PPP1R9A: variants seen among roughly 807,000 people sequenced by gnomAD.
PPP1R9A encodes the protein neurabin-1.
PPP1R9A carries 59 observed loss-of-function variants against 141.9 expected under a neutral mutation model. The observed-to-expected ratio is 0.42, with a 90% CI of 0.34 to 0.52. PPP1R9A has a LOEUF of 0.52. PPP1R9A is among the 20% of genes least tolerant of loss of function. The pLI is 0.10. For synonymous variants in PPP1R9A, 500 were observed against 569.7 expected (o/e 0.88, Z 1.74); for missense variants, 1,444 against 1,611.9 (o/e 0.90, Z 1.78).
chr7:95,038,364 G>A (rs888596702), intron 2 of PPP1R9A, among the ~76,000 whole-genome samples: 2 of 152,106 alleles, frequency 1.3e-5, no homozygotes, highest in Admixed American at 1.3e-4. Context: ...TGAAGACTAA[G>A]TATTCAGCAG....
In PPP1R9A at chr7:95,036,038, G is replaced by A. The variant is rs183089098; in HGVS notation, c.1396-75221G>A. 1.9e-3 allele frequency: 296 copies of A among 152,176 alleles called. 2 individuals are homozygous for A. The highest frequency in any genetic ancestry group is 6.6e-3 in the African/African-American group (274 of 41,522). 9.4% of individuals were successfully genotyped at this position (152,176 alleles called of 1,614,324 possible). A position where few individuals can be genotyped will look rare whatever the true frequency, so the allele number is the denominator to read the frequency against. On this transcript the variant is annotated intron_variant, in intron 2 of 19. Coordinates refer to ENST00000433360, the MANE Select transcript of PPP1R9A (RefSeq NM_001166160.2). ...GTTGTGATATTCTGCAGTATACTTC[G>A]GCTCTCTTAATAAGATCATGCTGTA...
At position 95,120,726 on chromosome 7, in the gene PPP1R9A, G is replaced by C; in HGVS notation, c.1543G>C (p.Gly515Arg). Residue 515 changes from glycine (G) to arginine (R), a missense_variant, in exon 4 of 20, where the codon GGT (glycine) becomes CGT (arginine). Physicochemically the swap from Gly to Arg is moderately radical, Grantham distance 125 (BLOSUM62 -2). This residue lies in a region of PPP1R9A where 488 missense variants were observed against 542.0 expected (regional missense o/e 0.90). Coordinates refer to ENST00000433360, the MANE Select transcript of PPP1R9A (RefSeq NM_001166160.2). The stretch of plus-strand genomic sequence containing the variant: ...CTTTTTAATAGATGAGGATGGTCTT[G>C]GTATAAGTATTATTGGAATGGGTGT... ...VELEKDEDGL[G>R]ISIIGMGVGA... The C allele has an allele frequency of 6.2e-7, 1 of 1,613,286 alleles. No homozygotes were observed. The highest frequency in any genetic ancestry group is 8.5e-7 in the Non-Finnish European group (1 of 1,179,590).
intron 2 of PPP1R9A, among the ~76,000 whole-genome samples, chr7:95,009,325 ACT>A (rs1804082845): frequency 6.6e-6 from 1 of 152,062 alleles, no homozygotes; most frequent in Admixed American, 6.6e-5. Flanking sequence ...TTAAAAAAAG[ACT>A]CTTGCTTTAA....
intron 7 of PPP1R9A, among the ~76,000 whole-genome samples, chr7:95,208,213 G>GT (rs1791248673): frequency 6.6e-6 from 1 of 152,114 alleles, no homozygotes; most frequent in African/African-American, 2.4e-5. Flanking sequence ...AAACAGCACT[G>GT]TAGATATACA....
At chr7:95,046,276 T>TCA (rs1299596783) in intron 2 of PPP1R9A, among the ~76,000 whole-genome samples, 1 of 152,114 alleles carries the variant, frequency 6.6e-6, no homozygotes, top group Non-Finnish European at 1.5e-5. Flanking sequence ...AGATGGGGTT[T>TCA]CACCATGTTG....
At chr7:95,218,306 A>G (rs1793820017) in intron 7 of PPP1R9A, among the ~76,000 whole-genome samples, 2 of 152,088 alleles carry the variant, frequency 1.3e-5, no homozygotes, top group South Asian at 4.1e-4. Context: ...CCTGAGTGCT[A>G]GTTTGATTGC....
At chr7:95,263,241 C>G (rs1377286380) in intron 12 of PPP1R9A, among the ~76,000 whole-genome samples, 1 of 152,142 alleles carries the variant, frequency 6.6e-6, no homozygotes, top group African/African-American at 2.4e-5. Context: ...TATTTTTATT[C>G]ATTTTAACTA....
At chr7:95,033,160 A>G (rs1303649077) in intron 2 of PPP1R9A, among the ~76,000 whole-genome samples, 1 of 133,898 alleles carries the variant, frequency 7.5e-6, no homozygotes, top group Non-Finnish European at 1.6e-5. Context: ...ACCCGCCACC[A>G]TGCCTGGCTA....
chr7:95,225,175 C>T (rs1465921060), intron 7 of PPP1R9A, among the ~76,000 whole-genome samples: 1 of 152,006 alleles, frequency 6.6e-6, no homozygotes, highest in African/African-American at 2.4e-5. Context: ...AACTATATGA[C>T]ATTAGAAAAA....
At chr7:94,999,583 G>A (rs867204913) in intron 2 of PPP1R9A, among the ~76,000 whole-genome samples, 1 of 152,058 alleles carries the variant, frequency 6.6e-6, no homozygotes. Context: ...TCTTAGAAAG[G>A]TTTCCTTTGA....
chr7:95,284,543 T>A (rs1804920252), intron 17 of PPP1R9A, among the ~76,000 whole-genome samples: 1 of 152,222 alleles, frequency 6.6e-6, no homozygotes, highest in Non-Finnish European at 1.5e-5. Context: ...ATGATAGATC[T>A]GTTTACCCAG....
chr7:94,959,004 A>G (rs1303226142), intron 2 of PPP1R9A, among the ~76,000 whole-genome samples: 12 of 151,990 alleles, frequency 7.9e-5, no homozygotes, highest in Admixed American at 7.9e-4. Flanking sequence ...TGTAGGAATA[A>G]AATTTTCATT....
intron 3 of PPP1R9A, among the ~76,000 whole-genome samples, chr7:95,113,653 G>T (rs1820971522): frequency 1.3e-5 from 2 of 152,180 alleles, no homozygotes; most frequent in African/African-American, 2.4e-5. Context: ...GGGTAAAAAG[G>T]ATGGTGATCC....
intron 2 of PPP1R9A, among the ~76,000 whole-genome samples, chr7:94,982,492 T>C (rs1283853487): frequency 6.6e-6 from 1 of 152,182 alleles, no homozygotes; most frequent in Non-Finnish European, 1.5e-5. Context: ...ACCCGTTGTT[T>C]CCTGACTTTT....
chr7:95,064,422 T>C (rs1219994258), intron 2 of PPP1R9A, among the ~76,000 whole-genome samples: 1 of 152,190 alleles, frequency 6.6e-6, no homozygotes, highest in African/African-American at 2.4e-5. Context: ...TTAGGAACAC[T>C]AGACAGCACT....
intron 2 of PPP1R9A, among the ~76,000 whole-genome samples, chr7:94,915,507 C>T (rs1368935451): frequency 1.3e-5 from 2 of 152,112 alleles, no homozygotes; most frequent in Non-Finnish European, 2.9e-5. Flanking sequence ...GGTTGAGCTA[C>T]AAGTACACCA....
At chr7:95,055,084 C>G (rs1811334959) in intron 2 of PPP1R9A, among the ~76,000 whole-genome samples, 1 of 152,070 alleles carries the variant, frequency 6.6e-6, no homozygotes, top group Non-Finnish European at 1.5e-5. Flanking sequence ...GACTGTCCTT[C>G]CCTCCTTGAT....
At chr7:95,065,481 GACA>G (rs751167333) in intron 2 of PPP1R9A, among the ~76,000 whole-genome samples, 7 of 152,186 alleles carry the variant, frequency 4.6e-5, no homozygotes, top group Non-Finnish European at 8.8e-5. Context: ...AATTACTTTG[GACA>G]ACTTTAAGTT....
At chr7:95,252,222 G>A (rs1798977320) in intron 12 of PPP1R9A, 92 bp downstream of exon 12, 1 of 1,332,680 alleles carries the variant, frequency 7.5e-7, no homozygotes, top group South Asian at 1.9e-5. Context: ...TTAAAAGTTG[G>A]AAATACCTTC....
Sources: gnomAD v4.1 joint callset for allele counts (sites outside exome capture counted in the v4.1 genomes callset) on GRCh38, gnomAD v4.1.1 for gene constraint, gnomAD v4.1.1 regional missense constraint, MANE v1.5 for transcripts, NCBI Gene and HGNC (gene_info 2026-07-23, HGNC 2026-07-21) for gene names.